The following ATP8A1 variants were observed in gnomAD, a reference collection of about 807,000 sequenced individuals.
The protein encoded by ATP8A1 is ATPase phospholipid transporting 8A1, also known as phospholipid-transporting ATPase IA.
Under a neutral mutation model 177.7 loss-of-function variants are expected in ATP8A1, and 90 were observed. The observed-to-expected ratio is 0.51, with a 90% CI of 0.43 to 0.60. ATP8A1 has a LOEUF of 0.60. Ranked by LOEUF, ATP8A1 falls within the 20% of genes least tolerant of loss-of-function variation. The pLI is 0.00. For synonymous variants in ATP8A1, 493 were observed against 485.9 expected, an observed-to-expected ratio of 1.01 and a Z score of -0.19; for missense variants, 1,072 against 1,392.8, an observed-to-expected ratio of 0.77 and a Z score of 3.67.
chr4:42,619,902 C>T (rs540825024), intron 4 of ATP8A1, among the ~76,000 whole-genome samples: 3 of 152,302 alleles, frequency 2.0e-5, no homozygotes, highest in Non-Finnish European at 4.4e-5. Context: ...ATCCCCTCTC[C>T]CCACCCTTGC....
chr4:42,649,554 T>A (rs1478208122), intron 1 of ATP8A1, among the ~76,000 whole-genome samples: 1 of 152,216 alleles, frequency 6.6e-6, no homozygotes. Context: ...TTCTGAAGCA[T>A]GAGTTTTTCC....
chr4:42,600,271 T>C (rs1242050281), intron 6 of ATP8A1, among the ~76,000 whole-genome samples: 2 of 152,188 alleles, frequency 1.3e-5, no homozygotes, highest in Admixed American at 6.6e-5. Context: ...CAAAAAGTTC[T>C]AGATATTTTT....
intron 6 of ATP8A1, among the ~76,000 whole-genome samples, chr4:42,592,804 T>A (rs1232523113): frequency 6.6e-6 from 1 of 152,090 alleles, no homozygotes; most frequent in Non-Finnish European, 1.5e-5. Flanking sequence ...AAAGAAACAG[T>A]AACACAATAC....
At chr4:42,629,427 C>T (rs763914211) in intron 1 of ATP8A1, among the ~76,000 whole-genome samples, 7 of 152,198 alleles carry the variant, frequency 4.6e-5, no homozygotes, top group South Asian at 4.1e-4. Flanking sequence ...GTATGCAGAA[C>T]GCTTCGCTCT....
intron 24 of ATP8A1, among the ~76,000 whole-genome samples, chr4:42,498,047 C>T (rs1245385746): frequency 6.6e-6 from 1 of 152,164 alleles, no homozygotes; most frequent in Non-Finnish European, 1.5e-5. Flanking sequence ...ATTCACAGTA[C>T]TGAAGCACCA....
In ATP8A1 at chr4:42,446,080, C is replaced by CAAAAAAAAAAAAAAA. The variant is rs11311245; in HGVS notation, c.2958+488_2958+502dup. ...GGGCGACAAGAGTGAAACGCCCTCT[C>CAAAAAAAAAAAAAAA]AAAAAAAAAAAAAAAAAAAGAGAAG... On this transcript the variant is annotated intron_variant, in intron 31 of 36. Transcript: ENST00000381668. Among the ~76,000 whole-genome samples the CAAAAAAAAAAAAAAA allele has an allele frequency of 1.4e-4, 9 of 63,920 alleles. 1 individual carries two copies. The East Asian group carries it at 3.0e-3, about 22-fold the overall frequency. 41.9% of individuals were successfully genotyped at this position (63,920 alleles called of 152,430 possible).
intron 9 of ATP8A1, among the ~76,000 whole-genome samples, chr4:42,582,722 G>A (rs1331657528): frequency 6.6e-6 from 1 of 152,116 alleles, no homozygotes; most frequent in Non-Finnish European, 1.5e-5. Flanking sequence ...CCAATGAATA[G>A]TAAGCATTTT....
intron 27 of ATP8A1, among the ~76,000 whole-genome samples, chr4:42,460,233 A>C (rs1451659798): frequency 1.3e-5 from 2 of 152,220 alleles, no homozygotes; most frequent in Non-Finnish European, 2.9e-5. Flanking sequence ...TAACAAGGAG[A>C]TAAGCATTCT....
chr4:42,459,850 C>T (rs1718905914), intron 27 of ATP8A1, among the ~76,000 whole-genome samples: 3 of 151,938 alleles, frequency 2.0e-5, no homozygotes, highest in South Asian at 4.2e-4. Context: ...AGTGCAATGG[C>T]GCGTGGTCTC....
intron 25 of ATP8A1, among the ~76,000 whole-genome samples, 170 bp downstream of exon 25, chr4:42,485,326 T>C (rs1236013587): frequency 6.6e-6 from 1 of 152,226 alleles, no homozygotes; most frequent in Non-Finnish European, 1.5e-5. Flanking sequence ...GACTCACTTT[T>C]TAAAACTAAC....
rs867059514 is a variant in ATP8A1 at position 42,485,497 on chromosome 4, G to T, written c.2323C>A (p.Arg775=). ...ALSCKAVICC[R]VSPLQKSEVV... is the part of the protein sequence containing the mutation. ...CTGACAATGATAAGGAGAACTTACCGACAGCAAATGACAGCTTTGCATGAC... is the reference window on the plus strand; with the variant it reads ...CTGACAATGATAAGGAGAACTTACCTACAGCAAATGACAGCTTTGCATGAC... The change falls in exon 25 of 37, where the codon CGG becomes AGG. Residue 775 remains arginine (R), a splice_region_variant and synonymous_variant. Coordinates refer to ENST00000381668, the MANE Select transcript of ATP8A1 (RefSeq NM_006095.2). 6.2e-7 allele frequency: 1 copy of T among 1,606,854 alleles called. No individual in the cohort carries two copies. The highest frequency in any genetic ancestry group is 2.2e-5 in the East Asian group (1 of 44,688).
intron 18 of ATP8A1, among the ~76,000 whole-genome samples, chr4:42,550,476 T>C (rs977578734): frequency 6.6e-6 from 1 of 152,228 alleles, no homozygotes; most frequent in African/African-American, 2.4e-5. Flanking sequence ...GCACAATTGC[T>C]GGCTCAGGTG....
intron 24 of ATP8A1, among the ~76,000 whole-genome samples, chr4:42,486,924 A>G (rs901707213): frequency 2.0e-5 from 3 of 152,212 alleles, no homozygotes; most frequent in Non-Finnish European, 4.4e-5. Context: ...TGTTCATACA[A>G]TGACAAAATT....
intron 27 of ATP8A1, among the ~76,000 whole-genome samples, chr4:42,457,756 C>G (rs1339116427): frequency 6.6e-6 from 1 of 152,150 alleles, no homozygotes; most frequent in African/African-American, 2.4e-5. Flanking sequence ...ATTTAAGATT[C>G]TCCCTCAAAT....
chr4:42,621,978 A>G (rs10005663), intron 4 of ATP8A1, among the ~76,000 whole-genome samples: 34,336 of 152,180 alleles, frequency 0.23, 4,349 homozygotes, highest in Non-Finnish European at 0.29. Flanking sequence ...CAAGCAATGA[A>G]GAAAGGAGTC....
Position 42,598,267 on chromosome 4 carries a change from C to T in ATP8A1, c.450+2211G>A, listed in dbSNP as rs546538905. Among the ~76,000 whole-genome samples, 444 of 152,222 alleles carry T rather than the reference C, an allele frequency of 2.9e-3. 1 individual carries two copies. Among genetic ancestry groups the T allele is most frequent in the Non-Finnish European group, 4.8e-3 (324 of 67,946 alleles). ...ATTCAAATGCTATTTCTTAAAACTG[C>T]TAATCTGTGATAGCAATTCTTTAAA... On this transcript the variant is annotated intron_variant, in intron 6 of 36. Coordinates refer to ENST00000381668, the MANE Select transcript of ATP8A1 (RefSeq NM_006095.2).
At chr4:42,524,062 C>T (rs568101173) in intron 21 of ATP8A1, among the ~76,000 whole-genome samples, 9 of 152,220 alleles carry the variant, frequency 5.9e-5, no homozygotes, top group Non-Finnish European at 1.2e-4. Flanking sequence ...TTGTTAAGTA[C>T]GAGATAAGAC....
intron 20 of ATP8A1, among the ~76,000 whole-genome samples, chr4:42,543,272 A>C (rs1294120003): frequency 1.3e-5 from 2 of 152,122 alleles, no homozygotes; most frequent in African/African-American, 4.8e-5. Flanking sequence ...GAATGTTCCA[A>C]GTTGGGAAGG....
At chr4:42,545,160 A>G (rs961180131) in intron 19 of ATP8A1, among the ~76,000 whole-genome samples, 1 of 63,472 alleles carries the variant, frequency 1.6e-5, no homozygotes, top group African/African-American at 1.1e-4. Context: ...ACTCCGTCTC[A>G]AAAAAAAAAA....
Sources: gnomAD v4.1 joint callset for allele counts (sites outside exome capture counted in the v4.1 genomes callset) on GRCh38, gnomAD v4.1.1 for gene constraint, MANE v1.5 for transcripts, NCBI Gene and HGNC (gene_info 2026-07-23, HGNC 2026-07-21) for gene names.